Variants in MACROD2 observed in about 807,000 individuals in gnomAD.
MACROD2 encodes ADP-ribose glycohydrolase MACROD2.
Under a neutral mutation model 70.4 loss-of-function variants are expected in MACROD2, and 36 were observed. That is an observed-to-expected ratio of 0.51 (90% CI 0.39 to 0.68). The LOEUF is 0.68. MACROD2 is among the 30% of genes least tolerant of loss of function. MACROD2 has a pLI of 0.00. For missense variants in MACROD2, 496 were observed against 538.4 expected (o/e 0.92, Z 0.78); for synonymous variants, 172 against 178.8 (o/e 0.96, Z 0.30).
intron 8 of MACROD2, among the ~76,000 whole-genome samples, chr20:15,762,603 C>G (rs2051453866): frequency 1.3e-5 from 2 of 152,190 alleles, no homozygotes; most frequent in Admixed American, 6.5e-5. Context: ...TAACAGCCTC[C>G]TTGTGGCTCT....
intron 5 of MACROD2, among the ~76,000 whole-genome samples, chr20:14,921,980 A>G (rs2074169800): frequency 6.6e-6 from 1 of 152,182 alleles, no homozygotes; most frequent in Non-Finnish European, 1.5e-5. Flanking sequence ...CTCTTTTAGC[A>G]TCTAAAGGAG....
At chr20:15,100,924 G>T (rs1022504612) in intron 5 of MACROD2, among the ~76,000 whole-genome samples, 17 of 152,120 alleles carry the variant, frequency 1.1e-4, no homozygotes, top group African/African-American at 3.9e-4. Context: ...GAAAATGAGT[G>T]AAGAAAAAGA....
At chr20:14,491,370 G>A (rs779277998) in intron 3 of MACROD2, among the ~76,000 whole-genome samples, 12 of 152,114 alleles carry the variant, frequency 7.9e-5, no homozygotes, top group African/African-American at 2.4e-4. Flanking sequence ...TTATCGGAAC[G>A]TTTTTGAATA....
chr20:14,269,311 C>G (rs2082170661), intron 3 of MACROD2, among the ~76,000 whole-genome samples: 1 of 152,102 alleles, frequency 6.6e-6, no homozygotes. Context: ...AGAATATCTC[C>G]AATTTAATTG....
intron 8 of MACROD2, among the ~76,000 whole-genome samples, chr20:15,749,022 A>T (rs999182395): frequency 2.0e-5 from 3 of 152,164 alleles, no homozygotes; most frequent in Non-Finnish European, 4.4e-5. Context: ...CTTTGTATAC[A>T]AATTATGTAT....
chr20:15,845,560 A>G (rs2064221670), intron 8 of MACROD2, among the ~76,000 whole-genome samples: 2 of 152,094 alleles, frequency 1.3e-5, no homozygotes, highest in African/African-American at 2.4e-5. Context: ...GTCGAAGTAC[A>G]AAAGAAAGAG....
chr20:15,105,496 T>A (rs1430290669), intron 5 of MACROD2, among the ~76,000 whole-genome samples: 1 of 152,034 alleles, frequency 6.6e-6, no homozygotes, highest in Admixed American at 6.6e-5. Context: ...GGAGAAAGGG[T>A]GCTTTCCTAG....
At chr20:15,954,617 T>C (rs1242888863) in intron 12 of MACROD2, among the ~76,000 whole-genome samples, 1 of 152,296 alleles carries the variant, frequency 6.6e-6, no homozygotes, top group South Asian at 2.1e-4. Context: ...CAATTAAAAT[T>C]TATTGACATC....
chr20:15,406,210 A>C (rs541973780), intron 6 of MACROD2, among the ~76,000 whole-genome samples: 3 of 152,328 alleles, frequency 2.0e-5, no homozygotes, highest in South Asian at 4.1e-4. Context: ...AATCACCTGC[A>C]ATGCAAAGTG....
At chr20:14,457,099 G>GT (rs2084312531) in intron 3 of MACROD2, among the ~76,000 whole-genome samples, 1 of 151,792 alleles carries the variant, frequency 6.6e-6, no homozygotes, top group African/African-American at 2.4e-5. Flanking sequence ...ACATAGTGGA[G>GT]TTTGTTAAAG....
chr20:14,968,995 A>G (rs919224316), intron 5 of MACROD2, among the ~76,000 whole-genome samples: 4 of 152,152 alleles, frequency 2.6e-5, no homozygotes, highest in Admixed American at 6.6e-5. Flanking sequence ...TATCTCCAAT[A>G]TGAACTGTGA....
chr20:14,458,385 G>A (rs1156375780), intron 3 of MACROD2, among the ~76,000 whole-genome samples: 1 of 152,112 alleles, frequency 6.6e-6, no homozygotes, highest in Non-Finnish European at 1.5e-5. Context: ...GATGAGGAAT[G>A]ACTGGGAAAA....
intron 3 of MACROD2, among the ~76,000 whole-genome samples, chr20:14,404,981 G>T (rs774504636): frequency 3.6e-4 from 55 of 152,044 alleles, no homozygotes; most frequent in Non-Finnish European, 3.2e-4. Flanking sequence ...TATATTCCAG[G>T]CAATTATCAA....
chr20:15,001,532 T>C (rs1019728461), intron 5 of MACROD2, among the ~76,000 whole-genome samples: 4 of 152,110 alleles, frequency 2.6e-5, no homozygotes, highest in African/African-American at 9.7e-5. Context: ...TAACATATTA[T>C]TATTATTATT....
At chr20:15,211,675 G>A (rs981950506) in intron 5 of MACROD2, among the ~76,000 whole-genome samples, 19 of 151,760 alleles carry the variant, frequency 1.3e-4, no homozygotes, top group South Asian at 2.1e-4. Context: ...GATCGTAAGC[G>A]TCCTGAGTCC....
intron 5 of MACROD2, among the ~76,000 whole-genome samples, chr20:14,993,265 CTTT>C (rs559777859): frequency 7.8e-5 from 11 of 140,858 alleles, no homozygotes; most frequent in Admixed American, 7.1e-5. Context: ...GCTATGGTTA[CTTT>C]TTTTTTTTTT....
chr20:15,527,520 G>C (rs1439821765), intron 8 of MACROD2, among the ~76,000 whole-genome samples: 1 of 152,068 alleles, frequency 6.6e-6, no homozygotes, highest in Non-Finnish European at 1.5e-5. Context: ...GCTACCACCC[G>C]AAGTCACACC....
At chr20:15,217,437 CAGTG>C (rs2076820406) in intron 5 of MACROD2, among the ~76,000 whole-genome samples, 1 of 152,156 alleles carries the variant, frequency 6.6e-6, no homozygotes, top group African/African-American at 2.4e-5. Flanking sequence ...CCAGTTCACA[CAGTG>C]AGTGAGTGGA....
At chr20:14,387,253 A>G (rs929386916) in intron 3 of MACROD2, among the ~76,000 whole-genome samples, 1 of 152,194 alleles carries the variant, frequency 6.6e-6, no homozygotes, top group Admixed American at 6.5e-5. Context: ...TGAGAACTGG[A>G]CATTTTGAGT....
Sources: allele counts gnomAD v4.1 joint callset (sites outside exome capture counted in the v4.1 genomes callset), GRCh38; gene constraint gnomAD v4.1.1; transcripts MANE v1.5; gene names NCBI Gene and HGNC (gene_info 2026-07-23, HGNC 2026-07-21).